The following CNTN4 variants were observed in gnomAD, a reference collection of about 807,000 sequenced individuals.
CNTN4 encodes the protein contactin 4, also known as contactin-4.
Under a neutral mutation model 122.5 loss-of-function variants are expected in CNTN4, and 77 were observed. The ratio of observed to expected loss-of-function variants is 0.63; its 90% confidence interval spans 0.52 to 0.76. The LOEUF (loss-of-function observed/expected upper bound fraction) is 0.76. CNTN4 is among the 30% of genes least tolerant of loss of function. The pLI, the probability that CNTN4 is intolerant of heterozygous loss-of-function variation, is 0.00. For synonymous variants in CNTN4, 512 were observed against 447.0 expected (o/e 1.15, Z -1.83); for missense variants, 1,256 against 1,259.1 (o/e 1.00, Z 0.04).
Position 2,181,215 on chromosome 3 carries a change from A to G in CNTN4, c.-145+80576A>G, listed in dbSNP as rs118143682. ...GGTGCTGAAAGTTACACTCATGAAT[A>G]AAAGCACAATTCCTTAAAGAGGAAT... On this transcript the variant is annotated intron_variant, in intron 2 of 24. Coordinates refer to ENST00000418658, the MANE Select transcript of CNTN4 (RefSeq NM_175607.3). Among the ~76,000 whole-genome samples the G allele has an allele frequency of 9.3e-4, 142 of 152,220 alleles. 1 individual carries two copies. The East Asian group carries it at 0.02, about 22-fold the overall frequency.
At chr3:2,276,784 C>T (rs960773316) in intron 2 of CNTN4, among the ~76,000 whole-genome samples, 3 of 151,960 alleles carry the variant, frequency 2.0e-5, no homozygotes, top group African/African-American at 4.8e-5. Context: ...GGCGTGGTGG[C>T]GCGTGCTTGT....
intron 3 of CNTN4, among the ~76,000 whole-genome samples, chr3:2,353,596 C>T (rs1213664620): frequency 1.3e-5 from 2 of 152,052 alleles, no homozygotes; most frequent in Non-Finnish European, 2.9e-5. Context: ...GAATGAGCAA[C>T]TCTGGACGGG....
At chr3:2,490,801 C>T (rs1364418376) in intron 3 of CNTN4, among the ~76,000 whole-genome samples, 2 of 152,268 alleles carry the variant, frequency 1.3e-5, no homozygotes, top group African/African-American at 2.4e-5. Flanking sequence ...TTTCTCATTC[C>T]CGTATGCTAT....
intron 2 of CNTN4, among the ~76,000 whole-genome samples, chr3:2,338,552 C>G (rs149359262): frequency 6.8e-4 from 103 of 151,812 alleles, no homozygotes; most frequent in African/African-American, 2.3e-3. Flanking sequence ...TATGAATAAA[C>G]ATGAAAACAT....
intron 2 of CNTN4, among the ~76,000 whole-genome samples, chr3:2,294,086 G>C (rs1468861067): frequency 6.6e-6 from 1 of 152,164 alleles, no homozygotes; most frequent in Non-Finnish European, 1.5e-5. Flanking sequence ...TTCCCATGGT[G>C]GTGAGGCAGG....
chr3:2,768,120 G>A (rs1279665806), intron 6 of CNTN4, among the ~76,000 whole-genome samples: 1 of 152,168 alleles, frequency 6.6e-6, no homozygotes, highest in Non-Finnish European at 1.5e-5. Context: ...ATTGCTTTGA[G>A]TGTCATTGCC....
rs529765389 is a variant in CNTN4 at position 2,866,776 on chromosome 3, A to G, written c.479A>G (p.Asn160Ser). 38 of 1,613,864 alleles carry G rather than the reference A, an allele frequency of 2.4e-5. No individual in the cohort carries two copies. The highest frequency in any genetic ancestry group is 1.9e-4 in the South Asian group (17 of 91,082). The part of the protein sequence containing the change: ...SGELSYAWIF[N>S]EYPSYQDNRR... Reference sequence around the variant, plus strand: ...GAGCTGAGTTATGCCTGGATCTTCAATGAATACCCTTCCTATCAGGATAAT... The same window carrying G: ...GAGCTGAGTTATGCCTGGATCTTCAGTGAATACCCTTCCTATCAGGATAAT... The change falls in exon 8 of 25, where the codon AAT (asparagine) becomes AGT (serine). Residue 160 changes from asparagine to serine, a missense_variant. Coordinates refer to ENST00000418658, the MANE Select transcript of CNTN4 (RefSeq NM_175607.3).
chr3:2,725,087 A>T (rs1457163970), intron 4 of CNTN4, among the ~76,000 whole-genome samples: 1 of 152,206 alleles, frequency 6.6e-6, no homozygotes, highest in Non-Finnish European at 1.5e-5. Context: ...ATGAGCATGG[A>T]TAATGGGAGA....
intron 2 of CNTN4, among the ~76,000 whole-genome samples, chr3:2,105,631 T>C (rs1279717234): frequency 6.6e-6 from 1 of 152,134 alleles, no homozygotes; most frequent in Non-Finnish European, 1.5e-5. Flanking sequence ...AATCACCTCC[T>C]ACCAGGTCCC....
chr3:3,005,528 C>G (rs1329504791), intron 14 of CNTN4, among the ~76,000 whole-genome samples: 1 of 152,170 alleles, frequency 6.6e-6, no homozygotes, highest in Non-Finnish European at 1.5e-5. Context: ...AACAAGGATC[C>G]CCGTTTCCGC....
chr3:2,133,167 G>T (rs2125289913), intron 2 of CNTN4, among the ~76,000 whole-genome samples: 1 of 152,204 alleles, frequency 6.6e-6, no homozygotes, highest in South Asian at 2.1e-4. Context: ...CACTTAATGG[G>T]TTCACTCCCT....
chr3:2,714,450 T>C (rs777499346), intron 4 of CNTN4, among the ~76,000 whole-genome samples: 21 of 152,144 alleles, frequency 1.4e-4, no homozygotes, highest in Non-Finnish European at 2.9e-5. Flanking sequence ...GATGTTTCAC[T>C]GGTTGGGTTG....
At chr3:2,932,136 G>C (rs1291727249) in intron 13 of CNTN4, among the ~76,000 whole-genome samples, 1 of 152,110 alleles carries the variant, frequency 6.6e-6, no homozygotes, top group Non-Finnish European at 1.5e-5. Flanking sequence ...CCAGCACTTT[G>C]GGACGTCGAG....
chr3:2,433,700 C>T (rs2048158375), intron 3 of CNTN4, among the ~76,000 whole-genome samples: 1 of 152,108 alleles, frequency 6.6e-6, no homozygotes, highest in Non-Finnish European at 1.5e-5. Flanking sequence ...TTGCCCAGAC[C>T]AATGTTGCGG....
chr3:2,294,696 C>T (rs1006959479), intron 2 of CNTN4, among the ~76,000 whole-genome samples: 1 of 152,114 alleles, frequency 6.6e-6, no homozygotes, highest in African/African-American at 2.4e-5. Flanking sequence ...TATTAATATA[C>T]TTTAAGTTTT....
At chr3:2,121,631 C>A (rs2033790424) in intron 2 of CNTN4, among the ~76,000 whole-genome samples, 1 of 152,114 alleles carries the variant, frequency 6.6e-6, no homozygotes, top group Non-Finnish European at 1.5e-5. Context: ...AAATGTCAAA[C>A]CTGTAATTTG....
chr3:2,245,307 G>T (rs375639465), intron 2 of CNTN4, among the ~76,000 whole-genome samples: 2 of 152,082 alleles, frequency 1.3e-5, no homozygotes, highest in Non-Finnish European at 2.9e-5. Context: ...AAAATAGACA[G>T]ATTGGTGCAA....
At chr3:2,738,888 A>T (rs1467241028) in intron 5 of CNTN4, among the ~76,000 whole-genome samples, 4 of 152,146 alleles carry the variant, frequency 2.6e-5, no homozygotes, top group Admixed American at 2.6e-4. Flanking sequence ...AACTTATAAA[A>T]GAAAATATTT....
chr3:2,838,249 C>T (rs1306492720), intron 7 of CNTN4, among the ~76,000 whole-genome samples: 2 of 152,168 alleles, frequency 1.3e-5, no homozygotes, highest in Non-Finnish European at 2.9e-5. Flanking sequence ...AATGAAGGCA[C>T]CCATTAAAAG....
Sources: allele counts gnomAD v4.1 joint callset (sites outside exome capture counted in the v4.1 genomes callset), GRCh38; gene constraint gnomAD v4.1.1; transcripts MANE v1.5; gene names NCBI Gene and HGNC (gene_info 2026-07-23, HGNC 2026-07-21).